Variants in TEX26 observed in about 807,000 individuals in gnomAD.
TEX26 encodes testis-expressed protein 26.
TEX26 carries 34 observed loss-of-function variants against 35.3 expected under a neutral mutation model. That is an observed-to-expected ratio of 0.96 (90% CI 0.73 to 1.28). The LOEUF is 1.28. TEX26 is among the 50% of genes most tolerant of loss of function. TEX26 has a pLI of 0.00. For missense variants in TEX26, 371 were observed against 330.1 expected (o/e 1.12, Z -0.96); for synonymous variants, 136 against 111.8 (o/e 1.22, Z -1.36).
chr13:30,966,222 C>T lies in TEX26; in HGVS notation c.470C>T (p.Ala157Val). The T allele has an allele frequency of 5.6e-6, 9 of 1,613,930 alleles. No homozygotes were observed. The highest frequency in any genetic ancestry group is 7.6e-6 in the Non-Finnish European group (9 of 1,179,980). Residue 157 changes from alanine to valine, a missense_variant and splice_region_variant, in exon 5 of 7, where the codon GCT (alanine) becomes GTT (valine). Transcript: ENST00000380473. ...TKRDFVDRSK[A>V]QKIKKSSHLS... ...GCCTTCCATTTCCATTCCACCCCAG[C>T]TCAGAAGATTAAGAAAAGTTCTCAC... is the stretch of plus-strand genomic sequence containing the variant.
chr13:30,955,420 A>T (rs1954090609), intron 3 of TEX26, among the ~76,000 whole-genome samples: 1 of 152,232 alleles, frequency 6.6e-6, no homozygotes, highest in Non-Finnish European at 1.5e-5. Context: ...TGCACAGCAA[A>T]TGGCTTCTTC....
intron 6 of TEX26, among the ~76,000 whole-genome samples, chr13:30,974,075 C>T (rs1043351736): frequency 2.9e-4 from 42 of 145,274 alleles, no homozygotes; most frequent in Admixed American, 1.7e-3. Context: ...GAGCCGAGAT[C>T]GCACCACTGC....
intron 4 of TEX26, among the ~76,000 whole-genome samples, chr13:30,959,192 C>G (rs1341681009): frequency 1.3e-5 from 2 of 152,172 alleles, no homozygotes; most frequent in African/African-American, 2.4e-5. Context: ...TTTTATTAAA[C>G]AAATGTATGC....
chr13:30,968,698 T>C (rs1217073456), intron 5 of TEX26, among the ~76,000 whole-genome samples, 187 bp from the exon 6 acceptor site: 2 of 152,294 alleles, frequency 1.3e-5, no homozygotes, highest in Admixed American at 6.5e-5. Flanking sequence ...TCCCTGCAGC[T>C]CTGCTCAGCC....
chr13:30,964,352 A>C (rs1264536730), intron 4 of TEX26, among the ~76,000 whole-genome samples: 1 of 152,212 alleles, frequency 6.6e-6, no homozygotes, highest in Non-Finnish European at 1.5e-5. Flanking sequence ...CCACAGTTCC[A>C]AATGTTATGG....
At chr13:30,950,993 A>G (rs1237287215) in intron 2 of TEX26, among the ~76,000 whole-genome samples, 1 of 152,224 alleles carries the variant, frequency 6.6e-6, no homozygotes, top group Non-Finnish European at 1.5e-5. Flanking sequence ...AGGAAAGAGT[A>G]TATTGAGAAA....
chr13:30,948,074 AT>A (rs1302549894), intron 2 of TEX26, among the ~76,000 whole-genome samples: 2 of 152,028 alleles, frequency 1.3e-5, no homozygotes, highest in African/African-American at 2.4e-5. Context: ...TGAACTCATC[AT>A]TTTTTATGGC....
At chr13:30,963,019 G>A (rs771899279) in intron 4 of TEX26, among the ~76,000 whole-genome samples, 1 of 151,420 alleles carries the variant, frequency 6.6e-6, no homozygotes, top group Non-Finnish European at 1.5e-5. Context: ...TAGTAGGGAC[G>A]GGGTTTCTCA....
chr13:30,973,061 C>A (rs1209775135), intron 6 of TEX26, among the ~76,000 whole-genome samples: 1 of 152,206 alleles, frequency 6.6e-6, no homozygotes, highest in Non-Finnish European at 1.5e-5. Flanking sequence ...AACCATATAT[C>A]CACAAAAGGA....
intron 5 of TEX26, among the ~76,000 whole-genome samples, 189 bp downstream of exon 5, chr13:30,966,587 A>G (rs1333222048): frequency 6.6e-6 from 1 of 151,708 alleles, no homozygotes; most frequent in Non-Finnish European, 1.5e-5. Flanking sequence ...ACAGGTGCGC[A>G]CCACCATGCC....
intron 5 of TEX26, among the ~76,000 whole-genome samples, 174 bp from the exon 6 acceptor site, chr13:30,968,711 G>C (rs939839012): frequency 4.6e-5 from 7 of 152,084 alleles, no homozygotes; most frequent in Non-Finnish European, 8.8e-5. Context: ...GCTCAGCCCT[G>C]GTCATTGGAA....
At chr13:30,954,260 A>G (rs1436558311) in intron 3 of TEX26, among the ~76,000 whole-genome samples, 2 of 135,618 alleles carry the variant, frequency 1.5e-5, no homozygotes, top group East Asian at 4.3e-4. Flanking sequence ...AAAAAAATAT[A>G]TATATTTATA....
intron 5 of TEX26, among the ~76,000 whole-genome samples, chr13:30,968,475 A>G (rs1019755594): frequency 6.6e-6 from 1 of 152,226 alleles, no homozygotes; most frequent in Non-Finnish European, 1.5e-5. Flanking sequence ...TTGCAGGACT[A>G]CTTCTGTCTG....
At chr13:30,952,001 A>ATTTTTTTTTTTTTTTTTTT (rs751918742) in intron 2 of TEX26, among the ~76,000 whole-genome samples, 2 of 50,690 alleles carry the variant, frequency 3.9e-5, no homozygotes, top group African/African-American at 1.0e-4. Flanking sequence ...TTATTCTGGG[A>ATTTTTTTTTTTTTTTTTTT]TTTTTTTTTT....
intron 4 of TEX26, among the ~76,000 whole-genome samples, chr13:30,961,442 T>C (rs1395353822): frequency 2.0e-5 from 3 of 152,236 alleles, no homozygotes; most frequent in Non-Finnish European, 4.4e-5. Flanking sequence ...GGTTACCTAG[T>C]TCACTTCTTT....
intron 4 of TEX26, among the ~76,000 whole-genome samples, chr13:30,961,829 T>C (rs928914934): frequency 2.6e-4 from 40 of 152,244 alleles, no homozygotes; most frequent in Admixed American, 6.5e-4. Context: ...TGCATTTCTG[T>C]GTTGCCACAC....
chr13:30,968,549 A>C (rs746155756), intron 5 of TEX26, among the ~76,000 whole-genome samples: 5 of 152,160 alleles, frequency 3.3e-5, no homozygotes, highest in Admixed American at 2.6e-4. Flanking sequence ...GAAATATTTC[A>C]GTTTCCTTCA....
intron 4 of TEX26, among the ~76,000 whole-genome samples, chr13:30,964,242 G>C (rs921589464): frequency 2.0e-5 from 3 of 152,094 alleles, no homozygotes; most frequent in African/African-American, 7.2e-5. Context: ...AGTGCCTGGG[G>C]CTCACTTCTG....
intron 4 of TEX26, among the ~76,000 whole-genome samples, chr13:30,962,593 T>C (rs1439479084): frequency 6.6e-6 from 1 of 152,246 alleles, no homozygotes. Flanking sequence ...GTAGGACTTA[T>C]GATATTGTAA....
Sources: gnomAD v4.1 joint callset for allele counts (sites outside exome capture counted in the v4.1 genomes callset) on GRCh38, gnomAD v4.1.1 for gene constraint, MANE v1.5 for transcripts, NCBI Gene and HGNC (gene_info 2026-07-23, HGNC 2026-07-21) for gene names.